The following NCKAP5 variants were observed in gnomAD, a reference collection of about 807,000 sequenced individuals.
NCKAP5 encodes the protein NCK associated protein 5.
A neutral mutation model predicts 167.0 loss-of-function variants in NCKAP5; 92 were observed. The ratio of observed to expected loss-of-function variants is 0.55; its 90% CI spans 0.47 to 0.66. The LOEUF is 0.66. NCKAP5 is among the 30% of genes least tolerant of loss of function. NCKAP5 has a pLI of 0.00. For synonymous variants in NCKAP5, 891 were observed against 877.4 expected, an observed-to-expected ratio of 1.02 and a Z score of -0.27; for missense variants, 2,378 against 2,315.0, an observed-to-expected ratio of 1.03 and a Z score of -0.56.
chr2:133,457,396 TC>T (rs1297837092), intron 3 of NCKAP5, among the ~76,000 whole-genome samples: 1 of 152,144 alleles, frequency 6.6e-6, no homozygotes, highest in Non-Finnish European at 1.5e-5. Context: ...GAACTCTTTC[TC>T]ATTTGATGTG....
intron 10 of NCKAP5, among the ~76,000 whole-genome samples, chr2:132,866,127 A>G (rs920031117): frequency 2.0e-5 from 3 of 152,234 alleles, no homozygotes; most frequent in African/African-American, 7.2e-5. Flanking sequence ...TCATCGAAAT[A>G]TGTGTTTCCT....
In NCKAP5 at chr2:133,131,316, C is replaced by G. The variant is rs112408722; in HGVS notation, c.208-1205G>C. Among the ~76,000 whole-genome samples the G allele has an allele frequency of 1.9e-3, 288 of 152,306 alleles. 1 individual carries two copies. The highest frequency in any genetic ancestry group is 6.3e-3 in the African/African-American group (261 of 41,562). On this transcript the variant is annotated intron_variant, in intron 5 of 19. Transcript: ENST00000409261. Reference sequence around the variant, plus strand: ...GAAAGCCTAGGGTTCCTTCCAGGCTCAGTTGCAAGCCATGTCCTCTACAAC... The same window carrying G: ...GAAAGCCTAGGGTTCCTTCCAGGCTGAGTTGCAAGCCATGTCCTCTACAAC...
chr2:132,837,631 G>A (rs999262957), intron 11 of NCKAP5, among the ~76,000 whole-genome samples: 4 of 151,922 alleles, frequency 2.6e-5, no homozygotes, highest in African/African-American at 9.7e-5. Flanking sequence ...TGACCTCTGG[G>A]TTCCTTTTCT....
At chr2:133,403,214 G>C (rs540790019) in intron 3 of NCKAP5, among the ~76,000 whole-genome samples, 1 of 152,276 alleles carries the variant, frequency 6.6e-6, no homozygotes, top group Non-Finnish European at 1.5e-5. Flanking sequence ...GTAAAACTAG[G>C]TTCACTAGGA....
intron 3 of NCKAP5, among the ~76,000 whole-genome samples, chr2:133,477,626 T>G (rs1411242681): frequency 1.3e-5 from 2 of 152,162 alleles, no homozygotes; most frequent in Admixed American, 1.3e-4. Flanking sequence ...AGATTAACAG[T>G]AACTACTAAT....
At chr2:133,662,872 A>T in the NCKAP5 span, among the ~76,000 whole-genome samples, 1 of 151,662 alleles carries the variant, frequency 6.6e-6, no homozygotes, top group South Asian at 2.1e-4. Flanking sequence ...TTCCCAGTGC[A>T]TATAGAAAGT....
chr2:132,713,891 G>T (rs1342131635), intron 19 of NCKAP5, among the ~76,000 whole-genome samples: 1 of 152,042 alleles, frequency 6.6e-6, no homozygotes, highest in Non-Finnish European at 1.5e-5. Flanking sequence ...CCAATGGAAG[G>T]GATGCTATCT....
At position 133,468,316 on chromosome 2, in the gene NCKAP5, C is replaced by A. The variant is rs181588605; in HGVS notation, c.69+49142G>T. Among the ~76,000 whole-genome samples, 40 of 144,968 alleles carry A rather than the reference C, an allele frequency of 2.8e-4. 1 individual carries two copies. The highest frequency in any genetic ancestry group is 1.0e-3 in the African/African-American group (40 of 38,250). ...GTTGTTCAGTTTCTATGTAGTTGAG[C>A]GGTTTTGAGTGAGATTCTTAATCCT... On this transcript the variant is annotated intron_variant, in intron 3 of 19. Coordinates refer to ENST00000409261, the MANE Select transcript of NCKAP5 (RefSeq NM_207363.3).
At chr2:133,552,907 C>A (rs1687466134) in intron 2 of NCKAP5, among the ~76,000 whole-genome samples, 1 of 152,080 alleles carries the variant, frequency 6.6e-6, no homozygotes, top group Non-Finnish European at 1.5e-5. Context: ...GCTATATGCT[C>A]AAATTGTCCA....
the NCKAP5 span, among the ~76,000 whole-genome samples, chr2:133,648,941 A>C: frequency 5.9e-5 from 9 of 151,920 alleles, no homozygotes; most frequent in South Asian, 1.9e-3. Context: ...TCAGTAAAAA[A>C]ATCAACAAAA....
At chr2:132,910,850 A>T (rs1236498250) in intron 8 of NCKAP5, among the ~76,000 whole-genome samples, 3 of 152,222 alleles carry the variant, frequency 2.0e-5, no homozygotes, top group Non-Finnish European at 4.4e-5. Flanking sequence ...ACAATGGCCA[A>T]AGAAGACTCA....
intron 3 of NCKAP5, among the ~76,000 whole-genome samples, chr2:133,407,517 T>C (rs959039473): frequency 4.6e-5 from 7 of 152,142 alleles, no homozygotes; most frequent in Admixed American, 1.3e-4. Context: ...AAGGAATCCA[T>C]TTTTGTGTAC....
chr2:132,832,331 T>G (rs1436940178), intron 11 of NCKAP5, among the ~76,000 whole-genome samples: 1 of 152,178 alleles, frequency 6.6e-6, no homozygotes, highest in African/African-American at 2.4e-5. Context: ...TTACATTTTC[T>G]AATTAATCAT....
At chr2:133,187,633 A>G (rs1234749965) in intron 5 of NCKAP5, among the ~76,000 whole-genome samples, 1 of 152,084 alleles carries the variant, frequency 6.6e-6, no homozygotes, top group Non-Finnish European at 1.5e-5. Context: ...AAATAAGTGA[A>G]CAGAAAGAAC....
chr2:132,912,590 C>G (rs575600103), intron 8 of NCKAP5, among the ~76,000 whole-genome samples: 2 of 152,186 alleles, frequency 1.3e-5, no homozygotes, highest in African/African-American at 2.4e-5. Flanking sequence ...CTTCTTTAAG[C>G]CTTCCTTCCT....
At chr2:133,188,675 T>A (rs941450316) in intron 5 of NCKAP5, among the ~76,000 whole-genome samples, 8 of 152,134 alleles carry the variant, frequency 5.3e-5, no homozygotes. Flanking sequence ...AACCTGCGCC[T>A]GAATGACTAC....
At position 132,782,674 on chromosome 2, in the gene NCKAP5, G is replaced by A. The variant is rs976792261; in HGVS notation, c.4137C>T (p.Leu1379=). Residue 1379 remains leucine, a synonymous_variant, in exon 14 of 20, where the codon CTC becomes CTT. Coordinates refer to ENST00000409261, the MANE Select transcript of NCKAP5 (RefSeq NM_207363.3). ...GGTCTTCCTTTCCAGGTGGGATGAG[G>A]AGTCCCTCAGACTTTGGAGGGATCC... ...PLRIPPKSEG[L]LIPPGKEDQQ... is the part of the protein sequence containing the mutation. 3 of 1,613,238 alleles carry A rather than the reference G, an allele frequency of 1.9e-6. No homozygotes were observed. Among genetic ancestry groups the A allele is most frequent in the African/African-American group, 2.7e-5 (2 of 74,916 alleles).
chr2:133,633,471 A>C, the NCKAP5 span, among the ~76,000 whole-genome samples: 1 of 152,206 alleles, frequency 6.6e-6, no homozygotes, highest in Non-Finnish European at 1.5e-5. Flanking sequence ...CGGAAGAGTC[A>C]AGAATGCCAG....
At chr2:133,170,039 T>A (rs953464939) in intron 5 of NCKAP5, among the ~76,000 whole-genome samples, 67 of 152,210 alleles carry the variant, frequency 4.4e-4, no homozygotes, top group African/African-American at 1.6e-3. Flanking sequence ...TTACCTTGGA[T>A]GATGTTTTAA....
Sources: gnomAD v4.1 joint callset for allele counts (sites outside exome capture counted in the v4.1 genomes callset) on GRCh38, gnomAD v4.1.1 for gene constraint, MANE v1.5 for transcripts, NCBI Gene and HGNC (gene_info 2026-07-23, HGNC 2026-07-21) for gene names.